The following FRMD4A variants were observed in gnomAD, a reference collection of about 807,000 sequenced individuals.
The protein encoded by FRMD4A is FERM domain-containing protein 4A.
In FRMD4A, 29 loss-of-function variants were observed where a neutral mutation model predicts 129.1. The observed-to-expected ratio is 0.22, with a 90% CI of 0.17 to 0.31. The LOEUF (loss-of-function observed/expected upper bound fraction) is 0.31, where lower values mean the gene tolerates loss of function less well. Ranked by LOEUF, FRMD4A falls within the 10% of genes least tolerant of loss-of-function variation. The probability of loss-of-function intolerance (pLI) is 1.00; values close to 1 mark genes in which losing one functional copy is unlikely to be tolerated. For missense variants in FRMD4A, 1,272 were observed against 1,375.8 expected, an observed-to-expected ratio of 0.92 and a Z score of 1.19; for synonymous variants, 634 against 571.6, an observed-to-expected ratio of 1.11 and a Z score of -1.56.
At chr10:14,251,697 G>A (rs1844446538) in intron 2 of FRMD4A, among the ~76,000 whole-genome samples, 1 of 152,314 alleles carries the variant, frequency 6.6e-6, no homozygotes, top group East Asian at 1.9e-4. Context: ...GTCTCTTTGA[G>A]TGGCTCAGGG....
chr10:13,749,215 A>G (rs75417454), intron 8 of FRMD4A, among the ~76,000 whole-genome samples: 1,974 of 152,326 alleles, frequency 0.013, 79 homozygotes, highest in South Asian at 0.12. Context: ...ATGTAGGAGC[A>G]TTCTGCCTTT....
chr10:14,170,238 GA>G (rs1232190966), intron 2 of FRMD4A, among the ~76,000 whole-genome samples: 1 of 152,146 alleles, frequency 6.6e-6, no homozygotes, highest in African/African-American at 2.4e-5. Context: ...GCATGATCAG[GA>G]AAGACAATTC....
chr10:14,326,760 C>A (rs781369507), intron 2 of FRMD4A: 19 of 397,908 alleles, frequency 4.8e-5, no homozygotes, highest in Non-Finnish European at 8.0e-5. Flanking sequence ...CTCACACGCC[C>A]TCAACAAATG....
intron 2 of FRMD4A, among the ~76,000 whole-genome samples, chr10:14,077,287 G>A (rs78243934): frequency 0.011 from 1,698 of 152,278 alleles, 40 homozygotes; most frequent in African/African-American, 0.039. Flanking sequence ...TGTTCTCACT[G>A]TCTGGGAAGT....
intron 2 of FRMD4A, among the ~76,000 whole-genome samples, chr10:14,009,350 A>G (rs1369286888): frequency 6.6e-6 from 1 of 151,712 alleles, no homozygotes; most frequent in Non-Finnish European, 1.5e-5. Context: ...ATTTCTACAT[A>G]CACTGCTTCT....
In FRMD4A at chr10:14,070,768, T is replaced by C. The variant is rs1233255979; in HGVS notation, c.46-211856A>G. ...GACATCATGCTAGGCACTGGGATTATGACAGTGAAAAAATGCAGACATGTC... is the reference window on the plus strand; with the variant it reads ...GACATCATGCTAGGCACTGGGATTACGACAGTGAAAAAATGCAGACATGTC... On this transcript the variant is annotated intron_variant, in intron 2 of 24. Transcript: ENST00000357447. Among the ~76,000 whole-genome samples the C allele has an allele frequency of 2.0e-5, 3 of 152,222 alleles. No homozygotes were observed. In the East Asian group the frequency reaches 5.8e-4, roughly 29 times the overall value.
rs1481279062 is a variant in FRMD4A at position 13,810,998 on chromosome 10, T to C, written c.112-90A>G. The stretch of plus-strand genomic sequence containing the variant: ...TCTCAGGTTTCCATAATTTTTTCAA[T>C]GAAATGTCACAAAGCTCAAGTATTT... On this transcript the variant is annotated intron_variant, in intron 3 of 24. Transcript: ENST00000357447. 15 of 664,958 alleles carry C rather than the reference T, an allele frequency of 2.3e-5. No homozygotes were observed. In the East Asian group the frequency reaches 3.9e-4, roughly 17 times the overall value. The allele number at this position is 664,958 out of a possible 1,614,324, so 41.2% of individuals were successfully genotyped here.
At chr10:13,908,622 G>A (rs973203236) in intron 2 of FRMD4A, among the ~76,000 whole-genome samples, 1 of 152,180 alleles carries the variant, frequency 6.6e-6, no homozygotes, top group Non-Finnish European at 1.5e-5. Context: ...ACGTCTAAGT[G>A]TTCATTATTT....
chr10:14,059,616 G>C (rs989604713), intron 2 of FRMD4A, among the ~76,000 whole-genome samples: 1 of 152,154 alleles, frequency 6.6e-6, no homozygotes, highest in Non-Finnish European at 1.5e-5. Context: ...ATCCAGAACT[G>C]TGAGAAATAC....
In FRMD4A at chr10:14,059,907, C is replaced by T. The variant is rs143092762; in HGVS notation, c.46-200995G>A. Among the ~76,000 whole-genome samples the T allele has an allele frequency of 7.9e-4, 121 of 152,300 alleles. 1 individual carries two copies. Among genetic ancestry groups the T allele is most frequent in the Admixed American group, 7.4e-3 (114 of 15,306 alleles). ...CAGGTATGAATGTATTTGATAATTA[C>T]AACAATCCTATGAACTAGATGCTAT... On this transcript the variant is annotated intron_variant, in intron 2 of 24. Coordinates refer to ENST00000357447, the MANE Select transcript of FRMD4A (RefSeq NM_018027.5).
chr10:14,224,377 G>A (rs1419810130), intron 2 of FRMD4A, among the ~76,000 whole-genome samples: 1 of 152,144 alleles, frequency 6.6e-6, no homozygotes, highest in Non-Finnish European at 1.5e-5. Context: ...CTGCATATGT[G>A]TCCACCTCCC....
intron 2 of FRMD4A, among the ~76,000 whole-genome samples, chr10:14,321,865 G>C (rs1843070562): frequency 6.6e-6 from 1 of 152,072 alleles, no homozygotes; most frequent in Non-Finnish European, 1.5e-5. Context: ...TTGTATCATG[G>C]GGGCGGACTT....
At chr10:14,054,730 G>C (rs948414419) in intron 2 of FRMD4A, among the ~76,000 whole-genome samples, 1 of 152,128 alleles carries the variant, frequency 6.6e-6, no homozygotes, top group Non-Finnish European at 1.5e-5. Flanking sequence ...TTGAATTGTA[G>C]CTCCCATAAT....
chr10:14,002,209 TG>T (rs1310740972), intron 2 of FRMD4A, among the ~76,000 whole-genome samples: 1 of 152,238 alleles, frequency 6.6e-6, no homozygotes, highest in Non-Finnish European at 1.5e-5. Flanking sequence ...GGAATAATTG[TG>T]ATAAAAGAGA....
chr10:14,027,358 C>T (rs572234453), intron 2 of FRMD4A, among the ~76,000 whole-genome samples: 67 of 152,214 alleles, frequency 4.4e-4, no homozygotes, highest in Non-Finnish European at 8.7e-4. Flanking sequence ...ACAGTCAATG[C>T]GGCCGGGCAT....
At chr10:14,328,878 G>T (rs1008456857) in intron 2 of FRMD4A, among the ~76,000 whole-genome samples, 1 of 152,072 alleles carries the variant, frequency 6.6e-6, no homozygotes, top group African/African-American at 2.4e-5. Flanking sequence ...TCAGGTAATG[G>T]GTAATTTCTC....
chr10:14,255,342 C>T (rs1844571031), intron 2 of FRMD4A, among the ~76,000 whole-genome samples: 3 of 152,120 alleles, frequency 2.0e-5, no homozygotes, highest in African/African-American at 7.2e-5. Flanking sequence ...AGCTGTCTTC[C>T]ACATGTGGAC....
rs544372038 is a variant in FRMD4A at position 14,004,497 on chromosome 10, G to A, written c.46-145585C>T. On this transcript the variant is annotated intron_variant, in intron 2 of 24. Coordinates refer to ENST00000357447, the MANE Select transcript of FRMD4A (RefSeq NM_018027.5). ...GTGGAGGTTGCAGTGAGCCAAGATCGTGCCACTGAACTCCAGCCCGGGCAA... is the reference window on the plus strand; with the variant it reads ...GTGGAGGTTGCAGTGAGCCAAGATCATGCCACTGAACTCCAGCCCGGGCAA... Among the ~76,000 whole-genome samples, 22 of 152,158 alleles carry A rather than the reference G, an allele frequency of 1.4e-4. No individual in the cohort carries two copies. The South Asian group carries it at 4.2e-3, about 29-fold the overall frequency.
chr10:14,077,670 A>T (rs950899771), intron 2 of FRMD4A, among the ~76,000 whole-genome samples: 1 of 152,196 alleles, frequency 6.6e-6, no homozygotes, highest in African/African-American at 2.4e-5. Context: ...TGCATCTGTG[A>T]GAAGTGATTC....
Sources: gnomAD v4.1 joint callset for allele counts (sites outside exome capture counted in the v4.1 genomes callset) on GRCh38, gnomAD v4.1.1 for gene constraint, MANE v1.5 for transcripts, NCBI Gene and HGNC (gene_info 2026-07-23, HGNC 2026-07-21) for gene names.